The following TTYH2 variants were observed in gnomAD, a reference collection of about 807,000 sequenced individuals.
TTYH2 encodes the protein tweety family member 2.
Under a neutral mutation model 68.3 loss-of-function variants are expected in TTYH2, and 49 were observed. The observed-to-expected ratio is 0.72, with a 90% CI of 0.57 to 0.91. The LOEUF (loss-of-function observed/expected upper bound fraction) is 0.91, where lower values mean the gene tolerates loss of function less well. Among genes scored for constraint, TTYH2 ranks in the 40% least tolerant of loss-of-function variants. The pLI is 0.00. For missense variants in TTYH2, 631 were observed against 700.4 expected, an observed-to-expected ratio of 0.90 and a Z score of 1.12; for synonymous variants, 272 against 300.8, an observed-to-expected ratio of 0.90 and a Z score of 0.99.
rs921790757 is a variant in TTYH2, at chr17:74,260,879, G to A, written c.*670G>A. 2 of 153,462 alleles carry A rather than the reference G, an allele frequency of 1.3e-5. No homozygotes were observed. The highest frequency in any genetic ancestry group is 4.8e-5 in the African/African-American group (2 of 41,450). The allele number at this position is 153,462 out of a possible 1,614,324, so 9.5% of individuals were successfully genotyped here. A position where few individuals can be genotyped will look rare whatever the true frequency, so the allele number is the denominator to read the frequency against. The stretch of plus-strand genomic sequence containing the variant: ...GGTGAACCCCGGTGGGAACAGAGGT[G>A]AAAGCCTGCCACATTCCGCCTGTCT... On this transcript the variant is annotated 3_prime_UTR_variant, in exon 14 of 14. Transcript: ENST00000269346.
chr17:74,225,933 A>C (rs1319314154), intron 2 of TTYH2, among the ~76,000 whole-genome samples: 1 of 152,262 alleles, frequency 6.6e-6, no homozygotes, highest in African/African-American at 2.4e-5. Flanking sequence ...GCTGGAGAGC[A>C]GCGGGCTTAC....
At chr17:74,219,488 T>C (rs933993532) in intron 1 of TTYH2, among the ~76,000 whole-genome samples, 4 of 151,884 alleles carry the variant, frequency 2.6e-5, no homozygotes, top group Admixed American at 2.6e-4. Context: ...GTGCGTGGTA[T>C]GTGTGTGTGT....
chr17:74,245,142 C>G (rs2050543928), intron 6 of TTYH2, among the ~76,000 whole-genome samples: 1 of 152,236 alleles, frequency 6.6e-6, no homozygotes, highest in African/African-American at 2.4e-5. Flanking sequence ...CTCAGGGACT[C>G]TGGCACTGCC....
In TTYH2 at chr17:74,260,639, C is replaced by G; in HGVS notation, c.*430C>G. The G allele has an allele frequency of 4.6e-6, 1 of 218,330 alleles. No individual in the cohort carries two copies. Among genetic ancestry groups the G allele is most frequent in the South Asian group, 7.8e-5 (1 of 12,838 alleles). The allele number at this position is 218,330 out of a possible 1,614,324, so 13.5% of individuals were successfully genotyped here. A position where few individuals can be genotyped will look rare whatever the true frequency, so the allele number is the denominator to read the frequency against. ...GCCCAGCCAAGAGCCCAGACGACCC[C>G]TCTGTCCTCGTTCCCTGTCCTCGTT... is the stretch of plus-strand genomic sequence containing the variant. On this transcript the variant is annotated 3_prime_UTR_variant, in exon 14 of 14. Coordinates refer to ENST00000269346, the MANE Select transcript of TTYH2 (RefSeq NM_032646.6).
chr17:74,223,041 CT>C (rs1484378577), intron 2 of TTYH2, among the ~76,000 whole-genome samples: 2 of 147,894 alleles, frequency 1.4e-5, no homozygotes, highest in African/African-American at 5.4e-5. Flanking sequence ...ATTCCATCTT[CT>C]TGTGAGATCA....
chr17:74,216,731 C>T (rs1791380538), intron 1 of TTYH2, among the ~76,000 whole-genome samples: 1 of 152,220 alleles, frequency 6.6e-6, no homozygotes, highest in Admixed American at 6.5e-5. Context: ...TGGACGAGGG[C>T]ACCTTGGCCC....
chr17:74,241,294 T>C lies in TTYH2; in HGVS notation c.636-2080T>C, dbSNP rs866974847. Among the ~76,000 whole-genome samples the C allele has an allele frequency of 2.6e-4, 37 of 144,326 alleles. No homozygotes were observed. Among genetic ancestry groups the C allele is most frequent in the African/African-American group, 7.3e-4 (28 of 38,154 alleles). 94.7% of individuals were successfully genotyped at this position (144,326 alleles called of 152,430 possible). ...GTGTGTGTGTGTGTGTGTGTGTGTG[T>C]GTGCGTGTAAAAATAAGAATGTGAT... On this transcript the variant is annotated intron_variant, in intron 4 of 13. Transcript: ENST00000269346. The surrounding 1 kb of genome is among the most constrained non-coding windows in gnomAD (Gnocchi z 4.1).
At chr17:74,253,456 G>A (rs1481837972) in intron 12 of TTYH2, among the ~76,000 whole-genome samples, 190 bp downstream of exon 12, 1 of 152,184 alleles carries the variant, frequency 6.6e-6, no homozygotes, top group Non-Finnish European at 1.5e-5. Flanking sequence ...TGTGCTGGGG[G>A]AAGAAACCAC....
chr17:74,249,880 TGTGGG>T (rs2050601125), intron 8 of TTYH2, 51 bp from the exon 9 acceptor site: 1 of 1,385,930 alleles, frequency 7.2e-7, no homozygotes, highest in East Asian at 2.3e-5. Context: ...GGAGCCTCAC[TGTGGG>T]GCTCCTGGGA....
chr17:74,237,825 T>C (rs2050459594), intron 4 of TTYH2, among the ~76,000 whole-genome samples: 1 of 152,038 alleles, frequency 6.6e-6, no homozygotes, highest in Non-Finnish European at 1.5e-5. Flanking sequence ...GAGACAGAGT[T>C]TCACCATGTT....
intron 4 of TTYH2, among the ~76,000 whole-genome samples, chr17:74,240,023 C>T (rs367971964): frequency 1.4e-4 from 22 of 152,142 alleles, no homozygotes; most frequent in Admixed American, 8.5e-4. Context: ...ATATCAAAGG[C>T]GGCTTATTGT....
intron 3 of TTYH2, among the ~76,000 whole-genome samples, chr17:74,235,688 G>A (rs1022769635): frequency 2.0e-5 from 3 of 152,040 alleles, no homozygotes; most frequent in Non-Finnish European, 2.9e-5. Flanking sequence ...CCAGGAGCTC[G>A]AGAGACCAGC....
Position 74,260,199 on chromosome 17 carries a change from T to G in TTYH2, c.1595T>G (p.Phe532Cys). ...CACCTGAGGCACTACGGGAATCAGT[T>G]TCCAGCCTAACAGACTTTCGGGGGT... is the stretch of plus-strand genomic sequence containing the variant. Reference protein sequence around the residue: ...DEHLRHYGNQFPA With the variant: ...DEHLRHYGNQCPA Residue 532 changes from phenylalanine (F) to cysteine (C), a missense_variant, in exon 14 of 14, where the codon TTT becomes TGT. Transcript: ENST00000269346. 6.2e-7 allele frequency: 1 copy of G among 1,613,974 alleles called. No homozygotes were observed.
In TTYH2 at chr17:74,261,005, C is replaced by T. The variant is rs983194418; in HGVS notation, c.*796C>T. Reference sequence around the variant, plus strand: ...TCAGGTATGAACAGACACTTTGAAACGACTTTAGGTCTTTCTTTTCTCCAG... The same window carrying T: ...TCAGGTATGAACAGACACTTTGAAATGACTTTAGGTCTTTCTTTTCTCCAG... On this transcript the variant is annotated 3_prime_UTR_variant, in exon 14 of 14. Transcript: ENST00000269346. 2 of 152,656 alleles carry T rather than the reference C, an allele frequency of 1.3e-5. No homozygotes were observed. Among genetic ancestry groups the T allele is most frequent in the Admixed American group, 6.5e-5 (1 of 15,282 alleles). 9.5% of individuals were successfully genotyped at this position (152,656 alleles called of 1,614,324 possible).
intron 4 of TTYH2, chr17:74,240,675 C>T (rs908196767): frequency 4.6e-5 from 7 of 152,122 alleles, no homozygotes; most frequent in South Asian, 2.1e-4. Context: ...CAAGGCGGGG[C>T]GAAGTATTGG....
chr17:74,261,813 T>C lies in TTYH2; in HGVS notation c.*1604T>C, dbSNP rs2050753689. ...CATACTGTATGCCATAAACTCACTTTGGTATATCCGCGTCACATGCAGAGA... is the reference window on the plus strand; with the variant it reads ...CATACTGTATGCCATAAACTCACTTCGGTATATCCGCGTCACATGCAGAGA... On this transcript the variant is annotated 3_prime_UTR_variant, in exon 14 of 14. Transcript: ENST00000269346. 1 of 152,288 alleles carries C rather than the reference T, an allele frequency of 6.6e-6. No individual in the cohort carries two copies. The highest frequency in any genetic ancestry group is 2.4e-5 in the African/African-American group (1 of 41,452). The allele number at this position is 152,288 out of a possible 1,614,324, so 9.4% of individuals were successfully genotyped here. A position where few individuals can be genotyped will look rare whatever the true frequency, so the allele number is the denominator to read the frequency against.
In TTYH2 at chr17:74,239,446, A is replaced by G. The variant is rs1218133083; in HGVS notation, c.635+1932A>G. Among the ~76,000 whole-genome samples, 1 of 152,168 alleles carries G rather than the reference A, an allele frequency of 6.6e-6. No homozygotes were observed. Among genetic ancestry groups the G allele is most frequent in the African/African-American group, 2.4e-5 (1 of 41,434 alleles). On this transcript the variant is annotated intron_variant, in intron 4 of 13. Coordinates refer to ENST00000269346, the MANE Select transcript of TTYH2 (RefSeq NM_032646.6). This position sits in a 1 kb window ranked among gnomAD's most constrained non-coding sequence, Gnocchi z 5.3. ...TCTTCAAGCCATTGATGAACGTCAG[A>G]GCCTTTAGCTCAGGGTTGCACAACT... is the stretch of plus-strand genomic sequence containing the variant.
intron 1 of TTYH2, among the ~76,000 whole-genome samples, chr17:74,220,077 C>T (rs1398316727): frequency 1.3e-5 from 2 of 151,648 alleles, no homozygotes; most frequent in Non-Finnish European, 2.9e-5. Context: ...AACTCCTGGG[C>T]TCAAGTGATC....
Position 74,236,216 on chromosome 17 carries a change from A to T in TTYH2, c.415-1078A>T, listed in dbSNP as rs529026888. Among the ~76,000 whole-genome samples, 4 of 152,270 alleles carry T rather than the reference A, an allele frequency of 2.6e-5. No homozygotes were observed. The South Asian group carries it at 6.2e-4, about 24-fold the overall frequency. On this transcript the variant is annotated intron_variant, in intron 3 of 13. Coordinates refer to ENST00000269346, the MANE Select transcript of TTYH2 (RefSeq NM_032646.6). ...GGCGCCGGTTTCCTCCTCCTGCCTC[A>T]TGTCCAGGCTCCTCAGAGACAGGAT...
Sources: allele counts gnomAD v4.1 joint callset (sites outside exome capture counted in the v4.1 genomes callset), GRCh38; gene constraint gnomAD v4.1.1; non-coding constraint Gnocchi (gnomAD v3.1); transcripts MANE v1.5; gene names NCBI Gene and HGNC (gene_info 2026-07-23, HGNC 2026-07-21).